CACNA1A: variants seen among roughly 807,000 people sequenced by gnomAD.
CACNA1A encodes voltage-dependent P/Q-type calcium channel subunit alpha-1A.
A neutral mutation model predicts 262.4 loss-of-function variants in CACNA1A; 57 were observed. The ratio of observed to expected loss-of-function variants is 0.22; its 90% confidence interval spans 0.18 to 0.27. The LOEUF (loss-of-function observed/expected upper bound fraction) is 0.27. Ranked by LOEUF, CACNA1A falls within the 10% of genes least tolerant of loss-of-function variation. The pLI is 1.00. For synonymous variants in CACNA1A, 1,431 were observed against 1,419.3 expected, an observed-to-expected ratio of 1.01 and a Z score of -0.18; for missense variants, 2,526 against 3,562.8, an observed-to-expected ratio of 0.71 and a Z score of 7.41.
intron 30 of CACNA1A, among the ~76,000 whole-genome samples, chr19:13,249,868 G>A (rs1327422462): frequency 6.6e-6 from 1 of 152,086 alleles, no homozygotes; most frequent in Non-Finnish European, 1.5e-5. Context: ...CGTGAGCCAA[G>A]GTGGGAACCT....
chr19:13,315,796 CTAAG>C (rs2058115714), intron 11 of CACNA1A: 1 of 152,050 alleles, frequency 6.6e-6, no homozygotes, highest in Admixed American at 6.6e-5. Flanking sequence ...TCTTGCTGTC[CTAAG>C]TCAATTCTGA....
In CACNA1A at chr19:13,468,576, C is replaced by G. The variant is rs564070689; in HGVS notation, c.294-13364G>C. Among the ~76,000 whole-genome samples the G allele has an allele frequency of 4.3e-4, 66 of 152,290 alleles. 2 individuals carry two copies. In the Middle Eastern group the frequency reaches 0.02, roughly 47 times the overall value. ...CCAAGGTGGCCGGATCACTTCAGAT[C>G]AGGAGTTTGAGACCAGCTTGGTCAA... On this transcript the variant is annotated intron_variant, in intron 1 of 46. Coordinates refer to ENST00000360228, the MANE Select transcript of CACNA1A (RefSeq NM_001127222.2).
At chr19:13,295,608 C>T (rs1206503909) in intron 19 of CACNA1A, among the ~76,000 whole-genome samples, 7 of 151,848 alleles carry the variant, frequency 4.6e-5, no homozygotes, top group African/African-American at 1.7e-4. Flanking sequence ...CCTCCTGCTT[C>T]AGCCTTCCAA....
At chr19:13,253,886 T>C (rs1361945386) in intron 29 of CACNA1A, among the ~76,000 whole-genome samples, 2 of 151,994 alleles carry the variant, frequency 1.3e-5, no homozygotes, top group Non-Finnish European at 2.9e-5. Flanking sequence ...ATTATAGGCA[T>C]GCGCCACCAC....
chr19:13,338,603 G>A (rs542101171), intron 6 of CACNA1A, among the ~76,000 whole-genome samples: 1 of 152,188 alleles, frequency 6.6e-6, no homozygotes, highest in Admixed American at 6.5e-5. Flanking sequence ...AAAAGTTAAC[G>A]TCAAGCAAAA....
chr19:13,479,328 G>A (rs554280527), intron 1 of CACNA1A, among the ~76,000 whole-genome samples: 1 of 152,326 alleles, frequency 6.6e-6, no homozygotes, highest in South Asian at 2.1e-4. Context: ...ATGCTGAGAA[G>A]GTGGCCTTTG....
chr19:13,376,859 TTA>T (rs2059425946), intron 3 of CACNA1A, among the ~76,000 whole-genome samples: 3 of 143,542 alleles, frequency 2.1e-5, no homozygotes, highest in Admixed American at 7.1e-5. Context: ...AACACATATG[TTA>T]TATGTGATAT....
chr19:13,275,732 C>A (rs1209563927), intron 24 of CACNA1A, 118 bp downstream of exon 24: 1 of 726,644 alleles, frequency 1.4e-6, no homozygotes, highest in East Asian at 2.7e-5. Context: ...TCTCCCACGT[C>A]CCCGGAGCCC....
chr19:13,267,797 T>C (rs879701566), intron 24 of CACNA1A, among the ~76,000 whole-genome samples: 4 of 151,820 alleles, frequency 2.6e-5, no homozygotes, highest in African/African-American at 7.2e-5. Flanking sequence ...TCCTTTTTTT[T>C]TGAGGCAGGG....
chr19:13,214,646 T>A lies in CACNA1A; in HGVS notation c.5732-38A>T. On this transcript the variant is annotated intron_variant, in intron 38 of 46. Coordinates refer to ENST00000360228, the MANE Select transcript of CACNA1A (RefSeq NM_001127222.2). The surrounding 1 kb of genome is among the most constrained non-coding windows in gnomAD (Gnocchi z 4.1). ...TGTAGACAGACCCTGACTGCCTGCC[T>A]GGGTGTCAGCTGGACTCTGGGTCAG... 6.7e-7 allele frequency: 1 copy of A among 1,499,178 alleles called. No homozygotes were observed. Among genetic ancestry groups the A allele is most frequent in the South Asian group, 1.1e-5 (1 of 87,088 alleles). 92.9% of individuals were successfully genotyped at this position (1,499,178 alleles called of 1,614,324 possible).
intron 1 of CACNA1A, among the ~76,000 whole-genome samples, chr19:13,476,134 C>T (rs544872198): frequency 1.1e-4 from 17 of 152,298 alleles, no homozygotes; most frequent in Admixed American, 9.8e-4. Context: ...CCAGGACTTC[C>T]ATCAGCTGCA....
chr19:13,327,871 C>T (rs962021777), intron 10 of CACNA1A, among the ~76,000 whole-genome samples: 1 of 151,814 alleles, frequency 6.6e-6, no homozygotes, highest in African/African-American at 2.4e-5. Context: ...CCGCGCCCGG[C>T]CAGCAAAGTA....
chr19:13,431,200 G>A (rs2060498117), intron 3 of CACNA1A, among the ~76,000 whole-genome samples: 1 of 151,898 alleles, frequency 6.6e-6, no homozygotes, highest in South Asian at 2.1e-4. Context: ...GTGGGGAACA[G>A]TCCTGGGGGT....
chr19:13,401,703 T>C (rs2059903101), intron 3 of CACNA1A, among the ~76,000 whole-genome samples: 1 of 152,162 alleles, frequency 6.6e-6, no homozygotes, highest in African/African-American at 2.4e-5. Context: ...ATGTAGGCTC[T>C]TAGAACAACC....
rs550667140 is a variant in CACNA1A at position 13,341,917 on chromosome 19, C to G, written c.979-6008G>C. Among the ~76,000 whole-genome samples the G allele has an allele frequency of 5.6e-4, 86 of 152,274 alleles. 1 individual carries two copies. Among genetic ancestry groups the G allele is most frequent in the African/African-American group, 2.0e-3 (85 of 41,562 alleles). ...TATTCCCAGCCCCCTAGGACAACAT[C>G]TGGCACACAGTCGGTGCTCAATAAG... On this transcript the variant is annotated intron_variant, in intron 6 of 46. Transcript: ENST00000360228.
chr19:13,325,865 C>G (rs896568486), intron 10 of CACNA1A, among the ~76,000 whole-genome samples: 1 of 152,194 alleles, frequency 6.6e-6, no homozygotes, highest in South Asian at 2.1e-4. Flanking sequence ...AGCTAGTTAA[C>G]ATATGCATTA....
intron 6 of CACNA1A, among the ~76,000 whole-genome samples, chr19:13,349,905 C>CT (rs1245321822): frequency 6.6e-5 from 10 of 152,176 alleles, no homozygotes; most frequent in Non-Finnish European, 1.3e-4. Flanking sequence ...CACAAGGCTA[C>CT]CCAGAGCCTT....
At chr19:13,361,700 G>A (rs1359742911) in intron 5 of CACNA1A, among the ~76,000 whole-genome samples, 1 of 152,150 alleles carries the variant, frequency 6.6e-6, no homozygotes. Flanking sequence ...GTCTAGCCTC[G>A]CCATGAACTT....
chr19:13,322,008 C>G (rs1014359723), intron 10 of CACNA1A, among the ~76,000 whole-genome samples: 5 of 152,148 alleles, frequency 3.3e-5, no homozygotes, highest in Admixed American at 1.3e-4. Flanking sequence ...TCGAGACCAG[C>G]CTGGCCAACA....
Sources: gnomAD v4.1 joint callset for allele counts (sites outside exome capture counted in the v4.1 genomes callset) on GRCh38, gnomAD v4.1.1 for gene constraint, Gnocchi (gnomAD v3.1) non-coding constraint, MANE v1.5 for transcripts, NCBI Gene and HGNC (gene_info 2026-07-23, HGNC 2026-07-21) for gene names.